The following ZYG11B variants were observed in gnomAD, a reference collection of about 807,000 sequenced individuals.
The protein encoded by ZYG11B is protein zyg-11 homolog B.
Under a neutral mutation model 82.4 loss-of-function variants are expected in ZYG11B, and 36 were observed. The ratio of observed to expected loss-of-function variants is 0.44; its 90% CI spans 0.33 to 0.58. The LOEUF (loss-of-function observed/expected upper bound fraction) is 0.58, where lower values mean the gene tolerates loss of function less well. ZYG11B is among the 20% of genes least tolerant of loss of function. The probability of loss-of-function intolerance (pLI) is 0.02; values close to 1 mark genes in which losing one functional copy is unlikely to be tolerated. For missense variants in ZYG11B, 552 were observed against 895.6 expected (o/e 0.62, Z 4.90); for synonymous variants, 303 against 312.8 (o/e 0.97, Z 0.33).
intron 8 of ZYG11B, 87 bp from the exon 9 acceptor site, chr1:52,801,732 A>G (rs1645077232): frequency 8.8e-7 from 1 of 1,133,432 alleles, no homozygotes; most frequent in Non-Finnish European, 1.2e-6. Flanking sequence ...CATGAGACTA[A>G]TCCTCATGGA....
chr1:52,749,841 C>T (rs1644506602), intron 1 of ZYG11B, among the ~76,000 whole-genome samples: 1 of 152,166 alleles, frequency 6.6e-6, no homozygotes, highest in Non-Finnish European at 1.5e-5. Flanking sequence ...GCATGAGCCA[C>T]CGTGCCCATC....
chr1:52,742,480 T>A (rs1425853237), intron 1 of ZYG11B, among the ~76,000 whole-genome samples: 2 of 150,650 alleles, frequency 1.3e-5, no homozygotes, highest in African/African-American at 4.9e-5. Context: ...GAAAAAGAGA[T>A]GTAAAAGAGA....
intron 2 of ZYG11B, among the ~76,000 whole-genome samples, chr1:52,766,790 C>T (rs1355219319): frequency 1.3e-5 from 2 of 152,050 alleles, no homozygotes; most frequent in East Asian, 1.9e-4. Context: ...GGGCGGATCA[C>T]GAGGTCAGGA....
chr1:52,780,075 T>C, intron 4 of ZYG11B, 82 bp downstream of exon 4: 1 of 1,408,646 alleles, frequency 7.1e-7, no homozygotes, highest in African/African-American at 1.4e-5. Flanking sequence ...GGTGAAAATT[T>C]GCATTTAGTC....
chr1:52,820,478 C>T (rs1052486114), intron 13 of ZYG11B, among the ~76,000 whole-genome samples: 1 of 151,568 alleles, frequency 6.6e-6, no homozygotes. Flanking sequence ...AAAACCCCAC[C>T]TCTACCAAAA....
At chr1:52,769,575 G>A (rs1644728561) in intron 2 of ZYG11B, among the ~76,000 whole-genome samples, 1 of 152,198 alleles carries the variant, frequency 6.6e-6, no homozygotes, top group African/African-American at 2.4e-5. Context: ...GCTCTAAAAT[G>A]TAATGGAGTT....
intron 2 of ZYG11B, among the ~76,000 whole-genome samples, chr1:52,761,494 A>G (rs1433047643): frequency 6.6e-6 from 1 of 152,084 alleles, no homozygotes. Context: ...AGTTTCATTC[A>G]TTTTGCTGTG....
At chr1:52,803,117 T>C (rs12746432) in intron 10 of ZYG11B, among the ~76,000 whole-genome samples, 5,861 of 25,156 alleles carry the variant, frequency 0.23, 758 homozygotes, top group Middle Eastern at 0.35. Context: ...TATATATATA[T>C]ACACACATAT....
At chr1:52,772,273 G>T in intron 3 of ZYG11B, 1 of 1,322,280 alleles carries the variant, frequency 7.6e-7, no homozygotes, top group Non-Finnish European at 1.1e-6. Context: ...ATAATATTGA[G>T]CCAAACGGTG....
chr1:52,769,903 A>G (rs531799364), intron 2 of ZYG11B, among the ~76,000 whole-genome samples: 177 of 151,990 alleles, frequency 1.2e-3, no homozygotes, highest in African/African-American at 2.8e-3. Context: ...TTCACAGTCA[A>G]TGTTGTTTAG....
At chr1:52,803,105 T>TATATATATATACAC (rs1645094849) in intron 10 of ZYG11B, among the ~76,000 whole-genome samples, 1 of 90,112 alleles carries the variant, frequency 1.1e-5, no homozygotes, top group Non-Finnish European at 1.8e-5. Flanking sequence ...TATACATATA[T>TATATATATATACAC]ATATATATAT....
In ZYG11B at chr1:52,764,350, G is replaced by A. The variant is rs149191259; in HGVS notation, c.197-6670G>A. On this transcript the variant is annotated intron_variant, in intron 2 of 13. Coordinates refer to ENST00000294353, the MANE Select transcript of ZYG11B (RefSeq NM_024646.3). ...GGGTTTCGCCATGTTGACCAGGCTG[G>A]TCTCAAACTCCTGACCTCAGGTGAT... Among the ~76,000 whole-genome samples, 562 of 151,512 alleles carry A rather than the reference G, an allele frequency of 3.7e-3. 4 individuals carry two copies. The highest frequency in any genetic ancestry group is 0.013 in the African/African-American group (528 of 41,252).
chr1:52,813,308 G>C (rs1645199234), intron 10 of ZYG11B, among the ~76,000 whole-genome samples: 1 of 152,038 alleles, frequency 6.6e-6, no homozygotes, highest in Admixed American at 6.6e-5. Flanking sequence ...TTTGCTGCTT[G>C]ACCACCCTAA....
At position 52,800,353 on chromosome 1, in the gene ZYG11B, A is replaced by G. The variant is rs1005917690; in HGVS notation, c.1486-1466A>G. ...ACACTAAATATAATATACATTAGAT[A>G]AGTAGAAAAAGATGCTTATTTTGTT... On this transcript the variant is annotated intron_variant, in intron 8 of 13. Transcript: ENST00000294353. 1.3e-4 allele frequency among the ~76,000 whole-genome samples: 20 copies of G among 152,136 alleles called. No homozygotes were observed. The Middle Eastern group carries it at 0.017, about 129-fold the overall frequency.
At chr1:52,772,598 G>C (rs1414913793) in intron 3 of ZYG11B, 2 of 1,410,860 alleles carry the variant, frequency 1.4e-6, no homozygotes, top group East Asian at 4.6e-5. Flanking sequence ...TGCGTCGATA[G>C]GGTAAAGCCG....
At chr1:52,778,907 T>G (rs572365524) in intron 3 of ZYG11B, among the ~76,000 whole-genome samples, 1 of 152,164 alleles carries the variant, frequency 6.6e-6, no homozygotes, top group Admixed American at 6.6e-5. Flanking sequence ...TGAATACTTA[T>G]GGAGAAAGTA....
chr1:52,755,109 C>T (rs945309502), intron 1 of ZYG11B, among the ~76,000 whole-genome samples: 4 of 151,642 alleles, frequency 2.6e-5, no homozygotes, highest in Non-Finnish European at 4.4e-5. Context: ...TACAGGCGCC[C>T]GCCACCATGC....
At chr1:52,726,734 C>A (rs771666415) in intron 1 of ZYG11B, 51 bp downstream of exon 1, 8 of 1,433,736 alleles carry the variant, frequency 5.6e-6, no homozygotes, top group East Asian at 5.9e-5. Context: ...CCCTAGCCCC[C>A]GCCCGTCGCG....
At chr1:52,794,086 T>G (rs1267197986) in intron 6 of ZYG11B, among the ~76,000 whole-genome samples, 2 of 152,006 alleles carry the variant, frequency 1.3e-5, no homozygotes, top group East Asian at 3.9e-4. Context: ...GTGATTCTCC[T>G]GCCTCAGCCT....
Sources: allele counts gnomAD v4.1 joint callset (sites outside exome capture counted in the v4.1 genomes callset), GRCh38; gene constraint gnomAD v4.1.1; transcripts MANE v1.5; gene names NCBI Gene and HGNC (gene_info 2026-07-23, HGNC 2026-07-21).